Variants in SMURF2 observed in about 807,000 individuals in gnomAD.
SMURF2 encodes the protein SMAD specific E3 ubiquitin protein ligase 2.
SMURF2 carries 48 observed loss-of-function variants against 109.6 expected under a neutral mutation model. That is an observed-to-expected ratio of 0.44 (90% confidence interval 0.35 to 0.56). The LOEUF (loss-of-function observed/expected upper bound fraction) is 0.56. Among genes scored for constraint, SMURF2 ranks in the 20% least tolerant of loss-of-function variants. The pLI, the probability that SMURF2 is intolerant of heterozygous loss-of-function variation, is 0.01. For missense variants in SMURF2, 575 were observed against 909.0 expected, an observed-to-expected ratio of 0.63 and a Z score of 4.72; for synonymous variants, 288 against 317.1, an observed-to-expected ratio of 0.91 and a Z score of 0.97.
rs376634202 is a variant in SMURF2, at chr17:64,546,249, C to T, written c.2147+14G>A. 3.1e-6 allele frequency: 5 copies of T among 1,612,942 alleles called. No homozygotes were observed. In the South Asian group the frequency reaches 4.4e-5, roughly 14 times the overall value. On this transcript the variant is annotated intron_variant, in intron 18 of 18. Transcript: ENST00000262435. ...GTACATGGAATGGGGAATACAGCTACAAAAATACCTTACCAAGTGTGGGCT... is the reference window on the plus strand; with the variant it reads ...GTACATGGAATGGGGAATACAGCTATAAAAATACCTTACCAAGTGTGGGCT...
chr17:64,583,490 T>A lies in SMURF2; in HGVS notation c.540A>T (p.Thr180=), dbSNP rs1969604976. ...TTGGGCGCTCCCATTGCGTAGTTCTTGTTATATGGTTTAGATACTGGATTC... is the reference window on the plus strand; with the variant it reads ...TTGGGCGCTCCCATTGCGTAGTTCTAGTTATATGGTTTAGATACTGGATTC... ...SGRIQYLNHI[T]RTTQWERPTR... The change falls in exon 7 of 19, where the codon ACA becomes ACT. Residue 180 remains threonine (T), a synonymous_variant. Transcript: ENST00000262435. 1 of 1,614,040 alleles carries A rather than the reference T, an allele frequency of 6.2e-7. No individual in the cohort carries two copies. The highest frequency in any genetic ancestry group is 1.7e-5 in the Admixed American group (1 of 60,012).
At chr17:64,568,830 C>T (rs1969354565) in intron 10 of SMURF2, among the ~76,000 whole-genome samples, 1 of 151,666 alleles carries the variant, frequency 6.6e-6, no homozygotes, top group Admixed American at 6.6e-5. Flanking sequence ...GGTGAAACTT[C>T]GTCTCTACTA....
chr17:64,545,739 G>A lies in SMURF2; in HGVS notation c.*109C>T, dbSNP rs11547445. ...TGTAAAAAAAAAAAAAAAAAGGGGG[G>A]GGGGGGGAGTGTTTTCCTGTATTTC... On this transcript the variant is annotated 3_prime_UTR_variant, in exon 19 of 19. Coordinates refer to ENST00000262435, the MANE Select transcript of SMURF2 (RefSeq NM_022739.4). The A allele has an allele frequency of 5.4e-6, 2 of 369,828 alleles. No individual in the cohort carries two copies. The highest frequency in any genetic ancestry group is 9.7e-6 in the Non-Finnish European group (2 of 206,462). The allele number at this position is 369,828 out of a possible 1,614,324, so 22.9% of individuals were successfully genotyped here.
intron 1 of SMURF2, among the ~76,000 whole-genome samples, chr17:64,653,051 T>A (rs1555693654): frequency 6.6e-6 from 1 of 151,680 alleles, no homozygotes; most frequent in Non-Finnish European, 1.5e-5. Context: ...AGAAAAACAC[T>A]GATAAACAGG....
At chr17:64,628,653 C>G (rs1202924968) in intron 1 of SMURF2, among the ~76,000 whole-genome samples, 1 of 152,178 alleles carries the variant, frequency 6.6e-6, no homozygotes, top group Non-Finnish European at 1.5e-5. Context: ...CAATAGTCTA[C>G]ATTCTTAAAC....
intron 3 of SMURF2, 136 bp downstream of exon 3, chr17:64,598,246 G>A: frequency 1.7e-6 from 1 of 589,996 alleles, no homozygotes; most frequent in Non-Finnish European, 2.7e-6. Context: ...ATTCCCACTG[G>A]GCTTTTCTTT....
In SMURF2 at chr17:64,598,494, T is replaced by C. The variant is rs1969848380; in HGVS notation, c.92-4A>G. 3 of 1,588,612 alleles carry C rather than the reference T, an allele frequency of 1.9e-6. No individual in the cohort carries two copies. In the African/African-American group the frequency reaches 4.1e-5, roughly 22 times the overall value. ...TTAGCAAATGGATCAGGAAGTCCTG[T>C]GAAAAAAGATTTTCTAAAATTAATA... is the stretch of plus-strand genomic sequence containing the variant. On this transcript the variant is annotated splice_polypyrimidine_tract_variant and splice_region_variant and intron_variant, in intron 2 of 18. Coordinates refer to ENST00000262435, the MANE Select transcript of SMURF2 (RefSeq NM_022739.4).
chr17:64,601,658 A>T (rs1555688589), intron 2 of SMURF2, among the ~76,000 whole-genome samples: 1 of 152,154 alleles, frequency 6.6e-6, no homozygotes, highest in African/African-American at 2.4e-5. Context: ...TAAAGAACTA[A>T]AAGTAGATCT....
At chr17:64,562,306 AAAAAAAAG>A (rs1203264249) in intron 11 of SMURF2, among the ~76,000 whole-genome samples, 1 of 150,648 alleles carries the variant, frequency 6.6e-6, no homozygotes, top group African/African-American at 2.4e-5. Flanking sequence ...AAAAAAAAAA[AAAAAAAAG>A]AGAGAGAGAG....
chr17:64,601,267 A>T (rs1484621446), intron 2 of SMURF2, among the ~76,000 whole-genome samples: 1 of 152,108 alleles, frequency 6.6e-6, no homozygotes, highest in Non-Finnish European at 1.5e-5. Context: ...GTGGAAAAAA[A>T]GATTAAGGAT....
rs35408397 is a variant in SMURF2, at chr17:64,617,065, TAAAAA to T, written c.53-10430_53-10426del. On this transcript the variant is annotated intron_variant, in intron 1 of 18. Transcript: ENST00000262435. The stretch of plus-strand genomic sequence containing the variant: ...CTGGGCAACAGAATGAGACCTTGTC[TAAAAA>T]AAAAAAAAAAAAAAAAAAAAAAAAA... Among the ~76,000 whole-genome samples, 17 of 48,496 alleles carry T rather than the reference TAAAAA, an allele frequency of 3.5e-4. No individual in the cohort carries two copies. In the South Asian group the frequency reaches 0.011, roughly 31 times the overall value. The allele number at this position is 48,496 out of a possible 152,430, so 31.8% of individuals were successfully genotyped here. A position where few individuals can be genotyped will look rare whatever the true frequency, so the allele number is the denominator to read the frequency against.
At chr17:64,615,373 C>A (rs550010903) in intron 1 of SMURF2, among the ~76,000 whole-genome samples, 8 of 152,208 alleles carry the variant, frequency 5.3e-5, no homozygotes, top group Non-Finnish European at 1.2e-4. Flanking sequence ...ACACAGATTT[C>A]TCTGCATGTG....
At chr17:64,642,556 T>C (rs1283598897) in intron 1 of SMURF2, among the ~76,000 whole-genome samples, 1 of 152,102 alleles carries the variant, frequency 6.6e-6, no homozygotes, top group Non-Finnish European at 1.5e-5. Flanking sequence ...AAAGCAAAAA[T>C]TAAGTTTACT....
In SMURF2 at chr17:64,657,234, G is replaced by C. The variant is rs192267379; in HGVS notation, c.52+4595C>G. Among the ~76,000 whole-genome samples the C allele has an allele frequency of 3.0e-3, 459 of 152,210 alleles. 1 individual carries two copies. Among genetic ancestry groups the C allele is most frequent in the African/African-American group, 0.011 (440 of 41,530 alleles). Reference sequence around the variant, plus strand: ...CAACTCAGGTCAGGGAAAGTTCTAGGGATAACAGTAATCTTTGAGTTGAGC... The same window carrying C: ...CAACTCAGGTCAGGGAAAGTTCTAGCGATAACAGTAATCTTTGAGTTGAGC... On this transcript the variant is annotated intron_variant, in intron 1 of 18. Transcript: ENST00000262435.
Position 64,586,094 on chromosome 17 carries a change from T to C in SMURF2, c.477A>G (p.Leu159=). Residue 159 remains leucine (L), a synonymous_variant, in exon 6 of 19, where the codon TTA becomes TTG. Coordinates refer to ENST00000262435, the MANE Select transcript of SMURF2 (RefSeq NM_022739.4). ...VDCSRLFDND[L]PDGWEERRTA... ...CAGTGATGTTAGCTTACCCGTCTGG[T>C]AAATCGTTATCAAATAAACGACTGC... 1 of 1,598,556 alleles carries C rather than the reference T, an allele frequency of 6.3e-7. No homozygotes were observed. The highest frequency in any genetic ancestry group is 8.5e-7 in the Non-Finnish European group (1 of 1,170,018).
At position 64,567,557 on chromosome 17, in the gene SMURF2, A is replaced by T. The variant is rs1289387408; in HGVS notation, c.1016+4241T>A. On this transcript the variant is annotated intron_variant, in intron 10 of 18. Transcript: ENST00000262435. Reference sequence around the variant, plus strand: ...TTCTACTGGCAACATCAAGGCAAACATCTATTACCTAAAGCAGAGATGTCC... The same window carrying T: ...TTCTACTGGCAACATCAAGGCAAACTTCTATTACCTAAAGCAGAGATGTCC... 5.9e-5 allele frequency among the ~76,000 whole-genome samples: 9 copies of T among 152,338 alleles called. No individual in the cohort carries two copies. In the East Asian group the frequency reaches 9.6e-4, roughly 16 times the overall value.
chr17:64,594,227 A>T (rs1320836523), intron 3 of SMURF2: 1 of 152,232 alleles, frequency 6.6e-6, no homozygotes, highest in Non-Finnish European at 1.5e-5. Context: ...AAAGATAATA[A>T]AATAACATGT....
chr17:64,661,729 C>T, intron 1 of SMURF2, 100 bp downstream of exon 1: 1 of 833,602 alleles, frequency 1.2e-6, no homozygotes, highest in African/African-American at 1.8e-5. Flanking sequence ...ACCCCCAACT[C>T]ATCATTGATC....
chr17:64,631,328 CAGAGAGAGAG>C (rs1282544902), intron 1 of SMURF2, among the ~76,000 whole-genome samples: 1 of 65,022 alleles, frequency 1.5e-5, no homozygotes, highest in Admixed American at 1.9e-4. Context: ...GAGAGAGAGA[CAGAGAGAGAG>C]AGACAGAGAG....
Sources: gnomAD v4.1 joint callset for allele counts (sites outside exome capture counted in the v4.1 genomes callset) on GRCh38, gnomAD v4.1.1 for gene constraint, MANE v1.5 for transcripts, NCBI Gene and HGNC (gene_info 2026-07-23, HGNC 2026-07-21) for gene names.